APC: variants seen among roughly 807,000 people sequenced by gnomAD.
APC encodes the protein APC regulator of Wnt signaling pathway.
APC carries 72 observed loss-of-function variants against 247.0 expected under a neutral mutation model. The ratio of observed to expected loss-of-function variants is 0.29; its 90% confidence interval spans 0.24 to 0.35. APC has a LOEUF of 0.35. APC is among the 10% of genes least tolerant of loss of function. The pLI is 1.00. For synonymous variants in APC, 1,254 were observed against 1,162.5 expected (o/e 1.08, Z -1.60); for missense variants, 3,400 against 3,360.7 (o/e 1.01, Z -0.29).
chr5:112,793,123 A>C (rs1759824669), intron 7 of APC, among the ~76,000 whole-genome samples: 1 of 152,160 alleles, frequency 6.6e-6, no homozygotes, highest in South Asian at 2.1e-4. Flanking sequence ...AAATCTGTTA[A>C]GAAGCAGATG....
rs377278397 is a variant in APC, at chr5:112,838,968, T to G, written c.3374T>G (p.Val1125Gly). Residue 1125 changes from valine to glycine, a missense_variant, in exon 16 of 16, where the codon GTA becomes GGA. Coordinates refer to ENST00000257430, the MANE Select transcript of APC (RefSeq NM_000038.6). ...VGSNHGINQN[V>G]SQSLCQEDDY... ...TCTAATCATGGAATTAATCAAAATGTAAGCCAGTCTTTGTGTCAAGAAGAT... is the reference window on the plus strand; with the variant it reads ...TCTAATCATGGAATTAATCAAAATGGAAGCCAGTCTTTGTGTCAAGAAGAT... 1 of 1,614,102 alleles carries G rather than the reference T, an allele frequency of 6.2e-7. No individual in the cohort carries two copies. Among genetic ancestry groups the G allele is most frequent in the East Asian group, 2.2e-5 (1 of 44,866 alleles).
rs2149882847 is a variant in APC at position 112,838,631 on chromosome 5, C to A, written c.3037C>A (p.His1013Asn). ...AGCCCATAAAATACATAGTGCAAAT[C>A]ATATGGATGATAATGATGGAGAACT... ...DLAHKIHSAN[H>N]MDDNDGELDT... The change falls in exon 16 of 16, where the codon CAT becomes AAT. Residue 1013 changes from histidine (H) to asparagine (N), a missense_variant. By Grantham distance (68) the His-to-Asn change is moderately conservative. Around this residue, in one of 9 missense-constraint regions of APC, gnomAD observed 715 missense variants for 656.6 expected, o/e 1.09. Transcript: ENST00000257430. 1 of 1,614,032 alleles carries A rather than the reference C, an allele frequency of 6.2e-7. No homozygotes were observed. Among genetic ancestry groups the A allele is most frequent in the Non-Finnish European group, 8.5e-7 (1 of 1,179,970 alleles).
At chr5:112,816,074 G>T (rs972376835) in intron 9 of APC, among the ~76,000 whole-genome samples, 1 of 152,162 alleles carries the variant, frequency 6.6e-6, no homozygotes, top group African/African-American at 2.4e-5. Flanking sequence ...AGCCAAACTG[G>T]CTCACTTCCT....
chr5:112,737,757 A>T, upstream of APC: 1 of 822,364 alleles, frequency 1.2e-6, no homozygotes, highest in Non-Finnish European at 1.5e-6. Flanking sequence ...GCGGAGAGAG[A>T]AGCAGCTGTG....
In APC at chr5:112,840,261, CTA is replaced by C. The variant is rs786201118; in HGVS notation, c.4669_4670del (p.Ile1557Ter). The C allele has an allele frequency of 6.2e-7, 1 of 1,614,120 alleles. No homozygotes were observed. Among genetic ancestry groups the C allele is most frequent in the Non-Finnish European group, 8.5e-7 (1 of 1,180,016 alleles). ...AACCAAGAGAAAGAGGCAGAAAAAA[CTA>C]TTGATTCTGAAAAGGACCTATTAGA... On this transcript the variant is annotated frameshift_variant, in exon 16 of 16. Transcript: ENST00000257430. LOFTEE classifies it high-confidence loss of function. This position sits in a 1 kb window ranked among gnomAD's most constrained non-coding sequence, Gnocchi z 4.1.
At chr5:112,712,556 G>GC (rs1323360249) in intron 1 of APC, among the ~76,000 whole-genome samples, 1 of 144,798 alleles carries the variant, frequency 6.9e-6, no homozygotes, top group Admixed American at 6.8e-5. Flanking sequence ...ACCACACCCA[G>GC]CCCTTTTTTT....
rs1580603927 is a variant in APC at position 112,835,042 on chromosome 5, C to G, written c.1835C>G (p.Ala612Gly). The G allele has an allele frequency of 6.2e-7, 1 of 1,614,088 alleles. No individual in the cohort carries two copies. Among genetic ancestry groups the G allele is most frequent in the African/African-American group, 1.3e-5 (1 of 75,024 alleles). Reference sequence around the variant, plus strand: ...GCTGATATATGTGCTGTAGATGGTGCACTTGCATTTTTGGTTGGCACTCTT... The same window carrying G: ...GCTGATATATGTGCTGTAGATGGTGGACTTGCATTTTTGGTTGGCACTCTT... Reference protein sequence around the residue: ...NKADICAVDGALAFLVGTLTY... With the variant: ...NKADICAVDGGLAFLVGTLTY... The change falls in exon 15 of 16, where the codon GCA (alanine) becomes GGA (glycine). Residue 612 changes from alanine (A) to glycine (G), a missense_variant. By Grantham distance (60) the Ala-to-Gly change is moderately conservative. This residue lies in a region of APC where 184 missense variants were observed against 248.0 expected (regional missense o/e 0.74). Transcript: ENST00000257430.
intron 6 of APC, among the ~76,000 whole-genome samples, chr5:112,786,052 A>T (rs551191518): frequency 3.0e-4 from 45 of 152,340 alleles, no homozygotes; most frequent in Non-Finnish European, 4.4e-4. Flanking sequence ...AAATATAAGA[A>T]TTCCTACAAA....
chr5:112,802,537 T>C (rs1158443360), intron 8 of APC, among the ~76,000 whole-genome samples: 3 of 152,182 alleles, frequency 2.0e-5, no homozygotes, highest in Admixed American at 6.5e-5. Context: ...CCAATTATTA[T>C]GTACTTTGGA....
At chr5:112,799,903 T>A (rs1437201834) in intron 7 of APC, among the ~76,000 whole-genome samples, 4 of 152,146 alleles carry the variant, frequency 2.6e-5, no homozygotes, top group African/African-American at 9.7e-5. Flanking sequence ...CTTTGCCTAG[T>A]TAACTCCTAT....
chr5:112,822,143 A>G (rs1278718672), intron 11 of APC, 152 bp downstream of exon 11: 4 of 628,508 alleles, frequency 6.4e-6, no homozygotes, highest in Non-Finnish European at 1.1e-5. Context: ...TCCTCTGTGT[A>G]GCAAAAAATT....
chr5:112,795,984 G>T (rs947128627), intron 7 of APC, among the ~76,000 whole-genome samples: 1 of 152,158 alleles, frequency 6.6e-6, no homozygotes, highest in African/African-American at 2.4e-5. Flanking sequence ...AGTCCAAGAA[G>T]ATGAAATCAG....
At chr5:112,822,148 A>G (rs1210752797) in intron 11 of APC, among the ~76,000 whole-genome samples, 157 bp downstream of exon 11, 3 of 152,178 alleles carry the variant, frequency 2.0e-5, no homozygotes, top group Admixed American at 6.5e-5. Context: ...TGTGTAGCAA[A>G]AAATTGTACC....
chr5:112,733,299 G>C (rs1215301908), upstream of APC, among the ~76,000 whole-genome samples: 2 of 152,194 alleles, frequency 1.3e-5, no homozygotes, highest in Admixed American at 1.3e-4. Context: ...TAGGTTATGT[G>C]ACAAAAGGGA....
rs748793009 is a variant in APC at position 112,822,008 on chromosome 5, T to C, written c.1408+17T>C. ...ATGAACTAGGTAAGACAAAAATGTT[T>C]TTTAATGACATAGACAATTACTGGT... On this transcript the variant is annotated intron_variant, in intron 11 of 15. Transcript: ENST00000257430. 6 of 1,518,762 alleles carry C rather than the reference T, an allele frequency of 4.0e-6. No individual in the cohort carries two copies. The highest frequency in any genetic ancestry group is 5.5e-6 in the Non-Finnish European group (6 of 1,095,352). 94.1% of individuals were successfully genotyped at this position (1,518,762 alleles called of 1,614,324 possible).
chr5:112,824,771 A>C (rs1763473448), intron 11 of APC, among the ~76,000 whole-genome samples: 1 of 152,002 alleles, frequency 6.6e-6, no homozygotes, highest in African/African-American at 2.4e-5. Flanking sequence ...GCCAAGTCTT[A>C]AGGTCTTCCC....
rs150513729 is a variant in APC, at chr5:112,750,023, C to T, written c.-18-4850C>T. On this transcript the variant is annotated intron_variant, in intron 1 of 15. Transcript: ENST00000257430. ...TGTCTCCCTGGCTGGAGTGCAGTGG[C>T]GCGATCTCGGCTCACTGCATCCTCC... Among the ~76,000 whole-genome samples the T allele has an allele frequency of 2.7e-3, 369 of 138,228 alleles. 1 individual carries two copies. The highest frequency in any genetic ancestry group is 7.4e-3 in the Admixed American group (96 of 12,926). 90.7% of individuals were successfully genotyped at this position (138,228 alleles called of 152,430 possible).
At chr5:112,709,903 C>T (rs1018700021) in intron 1 of APC, among the ~76,000 whole-genome samples, 1 of 152,054 alleles carries the variant, frequency 6.6e-6, no homozygotes, top group Non-Finnish European at 1.5e-5. Context: ...ACCCTGTCTC[C>T]TAACAAACAA....
chr5:112,740,980 T>A (rs1413526288), intron 1 of APC, among the ~76,000 whole-genome samples: 1 of 152,188 alleles, frequency 6.6e-6, no homozygotes, highest in Non-Finnish European at 1.5e-5. Context: ...TCAATTTTGA[T>A]CTCCCTTCTC....
Sources: allele counts gnomAD v4.1 joint callset (sites outside exome capture counted in the v4.1 genomes callset), GRCh38; gene constraint gnomAD v4.1.1; regional missense constraint gnomAD v4.1.1; non-coding constraint Gnocchi (gnomAD v3.1); transcripts MANE v1.5; gene names NCBI Gene and HGNC (gene_info 2026-07-23, HGNC 2026-07-21).